IHH: variants seen among roughly 807,000 people sequenced by gnomAD.
The protein encoded by IHH is indian hedgehog protein.
IHH carries 9 observed loss-of-function variants against 29.4 expected under a neutral mutation model. That is an observed-to-expected ratio of 0.31 (90% CI 0.18 to 0.53). IHH has a LOEUF of 0.53. Among genes scored for constraint, IHH ranks in the 20% least tolerant of loss-of-function variants. IHH has a pLI of 0.95. For missense variants in IHH, 454 were observed against 578.1 expected, an observed-to-expected ratio of 0.79 and a Z score of 2.20; for synonymous variants, 254 against 252.7, an observed-to-expected ratio of 1.01 and a Z score of -0.05.
chr2:219,055,287 G>A lies in IHH; in HGVS notation c.1156C>T (p.Gln386Ter). ...TPGEGVHWYP[Q>*]LLYRLGRLLL... ...AGACGCCCCAGGCGGTAGAGCAGCTGGGGGTACCAATGCACACCCTCCCCC... is the reference window on the plus strand; with the variant it reads ...AGACGCCCCAGGCGGTAGAGCAGCTAGGGGTACCAATGCACACCCTCCCCC... The change falls in exon 3 of 3, where the codon CAG becomes TAG. Residue 386 changes from glutamine to a stop codon, truncating the protein, a stop_gained. Transcript: ENST00000295731. LOFTEE classifies it high-confidence loss of function. The A allele has an allele frequency of 6.2e-7, 1 of 1,612,238 alleles. No homozygotes were observed. The highest frequency in any genetic ancestry group is 8.5e-7 in the Non-Finnish European group (1 of 1,179,542).
rs1373414641 is a variant in IHH, at chr2:219,060,500, T to C, written c.-33A>G. On this transcript the variant is annotated 5_prime_UTR_variant, in exon 1 of 3. Transcript: ENST00000295731. This position sits in a 1 kb window ranked among gnomAD's most constrained non-coding sequence, Gnocchi z 8.8. ...GAGCCCGGGGGAGCGGCGGGCGAGG[T>C]CTCCTGGTGGGCTGATGGGCAGGCG... 2 of 1,410,218 alleles carry C rather than the reference T, an allele frequency of 1.4e-6. No homozygotes were observed. Among genetic ancestry groups the C allele is most frequent in the Non-Finnish European group, 1.8e-6 (2 of 1,085,106 alleles). The allele number at this position is 1,410,218 out of a possible 1,614,324, so 87.4% of individuals were successfully genotyped here.
Position 219,055,744 on chromosome 2 carries a change from C to G in IHH, c.699G>C (p.Gly233=). ...CGCTGAAGGTGGGGCTCCCATCCTC[C>G]CCCATGGCCAGCACACGGTCTCCCG... ...VRPGDRVLAM[G]EDGSPTFSDV... The change falls in exon 3 of 3, where the codon GGG becomes GGC. Residue 233 remains glycine (G), a synonymous_variant. Transcript: ENST00000295731. 1 of 1,613,828 alleles carries G rather than the reference C, an allele frequency of 6.2e-7. No homozygotes were observed. Among genetic ancestry groups the G allele is most frequent in the Non-Finnish European group, 8.5e-7 (1 of 1,179,986 alleles).
chr2:219,057,674 G>A lies in IHH; in HGVS notation c.336C>T (p.Asn112=), dbSNP rs1948843068. ...GGTTCATCACCGAGATAGCCAGCGA[G>A]TTCAGGCGGTCCTTGCAGCGCTGGG... ...LMTQRCKDRL[N]SLAISVMNQW... The change falls in exon 2 of 3, where the codon AAC becomes AAT. Residue 112 remains asparagine, a synonymous_variant. Coordinates refer to ENST00000295731, the MANE Select transcript of IHH (RefSeq NM_002181.4). 6.2e-7 allele frequency: 1 copy of A among 1,608,944 alleles called. No homozygotes were observed. Among genetic ancestry groups the A allele is most frequent in the Non-Finnish European group, 8.5e-7 (1 of 1,179,994 alleles).
Position 219,055,800 on chromosome 2 carries a change from C to T in IHH, c.643G>A (p.Gly215Arg), listed in dbSNP as rs1455090670. ...ACGGCTGACAAGGCCACACGCGCCC[C>T]ACTCTCCAGGCGTACCTGGGCTCCG... ...PAGAQVRLESGARVALSAVRP... is the reference protein window; with the variant it reads ...PAGAQVRLESRARVALSAVRP... Residue 215 changes from glycine (G) to arginine (R), a missense_variant, in exon 3 of 3, where the codon GGG becomes AGG. Coordinates refer to ENST00000295731, the MANE Select transcript of IHH (RefSeq NM_002181.4). 3.1e-6 allele frequency: 5 copies of T among 1,613,116 alleles called. No individual in the cohort carries two copies. In the South Asian group the frequency reaches 3.3e-5, roughly 11 times the overall value.
Position 219,054,882 on chromosome 2 carries a change from T to C in IHH, c.*325A>G. Reference sequence around the variant, plus strand: ...GGCCTAAGATGGATGGAATGGGCCCTCCCCAATGGGGGAGGCAGAGTATGA... The same window carrying C: ...GGCCTAAGATGGATGGAATGGGCCCCCCCCAATGGGGGAGGCAGAGTATGA... On this transcript the variant is annotated 3_prime_UTR_variant, in exon 3 of 3. Coordinates refer to ENST00000295731, the MANE Select transcript of IHH (RefSeq NM_002181.4). 2.8e-6 allele frequency: 1 copy of C among 361,004 alleles called. No homozygotes were observed. Among genetic ancestry groups the C allele is most frequent in the Non-Finnish European group, 5.1e-6 (1 of 194,584 alleles). 22.4% of individuals were successfully genotyped at this position (361,004 alleles called of 1,614,324 possible). A position where few individuals can be genotyped will look rare whatever the true frequency, so the allele number is the denominator to read the frequency against.
Position 219,055,149 on chromosome 2 carries a change from G to T in IHH, c.*58C>A. Reference sequence around the variant, plus strand: ...TCCCTTCCAGGGCCAGCTCCCTCCTGGCTGAGAGGCTTCTGGACCCAGTAC... The same window carrying T: ...TCCCTTCCAGGGCCAGCTCCCTCCTTGCTGAGAGGCTTCTGGACCCAGTAC... On this transcript the variant is annotated 3_prime_UTR_variant, in exon 3 of 3. Transcript: ENST00000295731. The T allele has an allele frequency of 6.5e-7, 1 of 1,536,280 alleles. No individual in the cohort carries two copies.
At position 219,060,126 on chromosome 2, in the gene IHH, C is replaced by A. The variant is rs1370789899; in HGVS notation, c.315+27G>T. 6.3e-7 allele frequency: 1 copy of A among 1,589,052 alleles called. No individual in the cohort carries two copies. Among genetic ancestry groups the A allele is most frequent in the Non-Finnish European group, 8.6e-7 (1 of 1,165,328 alleles). On this transcript the variant is annotated intron_variant, in intron 1 of 2. Transcript: ENST00000295731. This position sits in a 1 kb window ranked among gnomAD's most constrained non-coding sequence, Gnocchi z 8.8. Reference sequence around the variant, plus strand: ...GCAGGTGGCCGTGCTTCGGTGGCGGCGCGCTGGTAGGGCGGATCGCGCTCA... The same window carrying A: ...GCAGGTGGCCGTGCTTCGGTGGCGGAGCGCTGGTAGGGCGGATCGCGCTCA...
At chr2:219,058,252 G>T (rs186049357) in intron 1 of IHH, among the ~76,000 whole-genome samples, 13 of 152,304 alleles carry the variant, frequency 8.5e-5, no homozygotes, top group Middle Eastern at 3.4e-3. Flanking sequence ...GGTAGCTTCA[G>T]GGGGTGTGTT....
intron 2 of IHH, among the ~76,000 whole-genome samples, chr2:219,056,921 A>G (rs1948837314): frequency 6.6e-6 from 1 of 152,222 alleles, no homozygotes; most frequent in East Asian, 1.9e-4. Flanking sequence ...GCTTTGCCCC[A>G]AAATGTCCAG....
chr2:219,054,845 C>G lies in IHH; in HGVS notation c.*362G>C, dbSNP rs923971765. 6 of 263,610 alleles carry G rather than the reference C, an allele frequency of 2.3e-5. No homozygotes were observed. The highest frequency in any genetic ancestry group is 3.7e-5 in the Non-Finnish European group (5 of 136,912). 16.3% of individuals were successfully genotyped at this position (263,610 alleles called of 1,614,324 possible). On this transcript the variant is annotated 3_prime_UTR_variant, in exon 3 of 3. Transcript: ENST00000295731. ...TTAGCAGCATCAACTGAGGCGCAAG[C>G]CCACCCAAAGGGGCCTAAGATGGAT...
chr2:219,056,696 A>G (rs1574686994), intron 2 of IHH, among the ~76,000 whole-genome samples: 1 of 152,186 alleles, frequency 6.6e-6, no homozygotes, highest in East Asian at 1.9e-4. Context: ...TGCCAGTGTG[A>G]AAGGCTGAGC....
rs375127107 is a variant in IHH, at chr2:219,055,507, C to A, written c.936G>T (p.Leu312=). 73 of 1,610,178 alleles carry A rather than the reference C, an allele frequency of 4.5e-5. No individual in the cohort carries two copies. In the Middle Eastern group the frequency reaches 6.6e-4, roughly 15 times the overall value. The change falls in exon 3 of 3, where the codon CTG becomes CTT. Residue 312 remains leucine (L), a synonymous_variant. Transcript: ENST00000295731. ...QYVLVAGVPG[L]QPARVAAVST... is the part of the protein sequence containing the mutation. ...AGACAGCTGCCACGCGGGCAGGCTG[C>A]AGGCCTGGCACCCCAGCCACCAGCA...
rs552544696 is a variant in IHH at position 219,055,174 on chromosome 2, C to T, written c.*33G>A. 4 of 1,550,526 alleles carry T rather than the reference C, an allele frequency of 2.6e-6. No individual in the cohort carries two copies. The African/African-American group carries it at 5.5e-5, about 21-fold the overall frequency. On this transcript the variant is annotated 3_prime_UTR_variant, in exon 3 of 3. Coordinates refer to ENST00000295731, the MANE Select transcript of IHH (RefSeq NM_002181.4). ...GGCTGAGAGGCTTCTGGACCCAGTA[C>T]AGCAGTTCCAGGAGGGCAGCGGTGG...
rs1483875270 is a variant in IHH at position 219,060,410 on chromosome 2, G to C, written c.58C>G (p.Leu20Val). 1.2e-5 allele frequency: 19 copies of C among 1,597,614 alleles called. No homozygotes were observed. Among genetic ancestry groups the C allele is most frequent in the African/African-American group, 8.0e-5 (6 of 74,708 alleles). The change falls in exon 1 of 3, where the codon CTG becomes GTG. Residue 20 changes from leucine (L) to valine (V), a missense_variant. Leu to Val is a conservative substitution (Grantham distance 32). Around this residue, in one of 3 missense-constraint regions of IHH, gnomAD observed 113 missense variants for 122.1 expected, o/e 0.93. Transcript: ENST00000295731. This position sits in a 1 kb window ranked among gnomAD's most constrained non-coding sequence, Gnocchi z 8.8. ...LHFCLVLLLL[L>V]VVPAAWGCGP... ...CAGCCCCATGCCGCCGGCACCACCA[G>C]CAGCAGCAACAGGACCAGGCAGAAG...
intron 1 of IHH, among the ~76,000 whole-genome samples, chr2:219,058,093 C>G (rs1032787827): frequency 1.3e-5 from 2 of 152,184 alleles, no homozygotes; most frequent in Non-Finnish European, 1.5e-5. Flanking sequence ...AGCCAGCGGC[C>G]GGGAGGGAGG....
chr2:219,055,420 C>G lies in IHH; in HGVS notation c.1023G>C (p.Glu341Asp). 1 of 1,613,268 alleles carries G rather than the reference C, an allele frequency of 6.2e-7. No homozygotes were observed. Among genetic ancestry groups the G allele is most frequent in the African/African-American group, 1.3e-5 (1 of 75,068 alleles). Residue 341 changes from glutamate to aspartate, a missense_variant, in exon 3 of 3, where the codon GAG becomes GAC. Around this residue, in one of 3 missense-constraint regions of IHH, gnomAD observed 271 missense variants for 315.9 expected, o/e 0.86. Transcript: ENST00000295731. ...PLTKHGTLVV[E>D]DVVASCFAAV... ...CCGCGAAGCAGGATGCCACCACATC[C>G]TCCACCACCAGTGTCCCATGCTTTG... is the stretch of plus-strand genomic sequence containing the variant.
chr2:219,055,166 A>G lies in IHH; in HGVS notation c.*41T>C, dbSNP rs1282467104. On this transcript the variant is annotated 3_prime_UTR_variant, in exon 3 of 3. Coordinates refer to ENST00000295731, the MANE Select transcript of IHH (RefSeq NM_002181.4). Reference sequence around the variant, plus strand: ...TCCCTCCTGGCTGAGAGGCTTCTGGACCCAGTACAGCAGTTCCAGGAGGGC... The same window carrying G: ...TCCCTCCTGGCTGAGAGGCTTCTGGGCCCAGTACAGCAGTTCCAGGAGGGC... The G allele has an allele frequency of 6.5e-7, 1 of 1,548,820 alleles. No homozygotes were observed. Among genetic ancestry groups the G allele is most frequent in the Admixed American group, 2.0e-5 (1 of 51,042 alleles).
chr2:219,057,907 C>G (rs994133593), intron 1 of IHH, among the ~76,000 whole-genome samples: 1 of 152,268 alleles, frequency 6.6e-6, no homozygotes, highest in Admixed American at 6.5e-5. Flanking sequence ...CTGGACCGCA[C>G]GGCGGTATCA....
chr2:219,057,325 G>A (rs1364894807), intron 2 of IHH, 108 bp downstream of exon 2: 9 of 1,293,344 alleles, frequency 7.0e-6, no homozygotes, highest in Non-Finnish European at 9.7e-6. Context: ...CTCTTCCCCC[G>A]GATCCCTGCC....
Sources: gnomAD v4.1 joint callset for allele counts (sites outside exome capture counted in the v4.1 genomes callset) on GRCh38, gnomAD v4.1.1 for gene constraint, gnomAD v4.1.1 regional missense constraint, Gnocchi (gnomAD v3.1) non-coding constraint, MANE v1.5 for transcripts, NCBI Gene and HGNC (gene_info 2026-07-23, HGNC 2026-07-21) for gene names.